LZTS1: variants seen among roughly 807,000 people sequenced by gnomAD.
The protein encoded by LZTS1 is leucine zipper putative tumor suppressor 1.
LZTS1 carries 31 observed loss-of-function variants against 45.8 expected under a neutral mutation model. The observed-to-expected ratio is 0.68, with a 90% CI of 0.51 to 0.91. The LOEUF (loss-of-function observed/expected upper bound fraction) is 0.91. LZTS1 is among the 40% of genes least tolerant of loss of function. The pLI is 0.00. For missense variants in LZTS1, 821 were observed against 788.9 expected, an observed-to-expected ratio of 1.04 and a Z score of -0.49; for synonymous variants, 359 against 357.3, an observed-to-expected ratio of 1.00 and a Z score of -0.05.
At chr8:20,274,579 T>C (rs1201491309) in intron 1 of LZTS1, among the ~76,000 whole-genome samples, 1 of 152,108 alleles carries the variant, frequency 6.6e-6, no homozygotes, top group East Asian at 1.9e-4. Context: ...AGACCCCCCT[T>C]ATGTGGAGAT....
chr8:20,284,117 C>T (rs1170356060), intron 1 of LZTS1, among the ~76,000 whole-genome samples: 1 of 152,176 alleles, frequency 6.6e-6, no homozygotes, highest in Non-Finnish European at 1.5e-5. Flanking sequence ...GTGAGTCATT[C>T]TCTCTGGGGC....
At chr8:20,278,396 G>A (rs376785663) in intron 1 of LZTS1, among the ~76,000 whole-genome samples, 13 of 152,188 alleles carry the variant, frequency 8.5e-5, no homozygotes, top group East Asian at 3.9e-4. Context: ...TGTGCATGTG[G>A]ACAGCCCACC....
chr8:20,260,007 T>C (rs895303018), intron 1 of LZTS1, among the ~76,000 whole-genome samples: 2 of 152,128 alleles, frequency 1.3e-5, no homozygotes, highest in African/African-American at 4.8e-5. Flanking sequence ...GCTCAAGTGA[T>C]CTTCCCACCT....
At chr8:20,302,634 G>T (rs1250999803) in intron 1 of LZTS1, among the ~76,000 whole-genome samples, 1 of 152,148 alleles carries the variant, frequency 6.6e-6, no homozygotes, top group African/African-American at 2.4e-5. Context: ...TAGGAGCAGC[G>T]CCTGCCCGGC....
At chr8:20,269,212 G>T (rs1400302521) in intron 1 of LZTS1, among the ~76,000 whole-genome samples, 1 of 152,188 alleles carries the variant, frequency 6.6e-6, no homozygotes, top group African/African-American at 2.4e-5. Context: ...TCATGGCTTG[G>T]ACCCCAGGGC....
chr8:20,267,496 A>T (rs13259502), intron 1 of LZTS1, among the ~76,000 whole-genome samples: 34,674 of 152,038 alleles, frequency 0.23, 4,808 homozygotes, highest in East Asian at 0.49. Context: ...GTCATCATTC[A>T]TCAGAACAGA....
intron 1 of LZTS1, among the ~76,000 whole-genome samples, chr8:20,289,561 A>G (rs1352480394): frequency 2.0e-5 from 3 of 152,178 alleles, no homozygotes; most frequent in Non-Finnish European, 4.4e-5. Context: ...GGGTCAGGCA[A>G]TGGAGCACAG....
Position 20,288,132 on chromosome 8 carries a change from G to A in LZTS1, c.-135+15608C>T, listed in dbSNP as rs1800825903. 3.3e-5 allele frequency among the ~76,000 whole-genome samples: 5 copies of A among 152,090 alleles called. No individual in the cohort carries two copies. In the South Asian group the frequency reaches 1.0e-3, roughly 32 times the overall value. On this transcript the variant is annotated intron_variant, in intron 1 of 3. Coordinates refer to ENST00000381569, the MANE Select transcript of LZTS1 (RefSeq NM_021020.5). ...CAAGCTCCTTCTCCTTCTCAAAGAG[G>A]AGTGAAGCTTTCCTGGTGTTGTCAG...
chr8:20,300,855 C>T (rs956117726), intron 1 of LZTS1, among the ~76,000 whole-genome samples: 2 of 152,094 alleles, frequency 1.3e-5, no homozygotes, highest in Non-Finnish European at 2.9e-5. Flanking sequence ...TGTGGTGGCT[C>T]CTGCCTGTAA....
rs1428318981 is a variant in LZTS1, at chr8:20,250,168, C to A, written c.1345G>T (p.Val449Phe). The A allele has an allele frequency of 4.3e-6, 7 of 1,610,418 alleles. No homozygotes were observed. The highest frequency in any genetic ancestry group is 2.5e-6 in the Non-Finnish European group (3 of 1,179,602). The change falls in exon 4 of 4, where the codon GTC becomes TTC. Residue 449 changes from valine (V) to phenylalanine (F), a missense_variant. Physicochemically the swap from Val to Phe is conservative, Grantham distance 50. Coordinates refer to ENST00000381569, the MANE Select transcript of LZTS1 (RefSeq NM_021020.5). The stretch of plus-strand genomic sequence containing the variant: ...TTGCGCTGCAGCTCATTCTCACAGA[C>A]CTCCAGCTCCAGGCCCTTGGTGCGC... The part of the protein sequence containing the change: ...ALRTKGLELE[V>F]CENELQRKKN...
intron 1 of LZTS1, among the ~76,000 whole-genome samples, chr8:20,277,945 G>A (rs1800616716): frequency 6.6e-6 from 1 of 152,144 alleles, no homozygotes; most frequent in Non-Finnish European, 1.5e-5. Context: ...TGAGCACCTT[G>A]GAACGTCTTG....
chr8:20,254,417 C>G (rs1022015045), intron 2 of LZTS1, among the ~76,000 whole-genome samples: 1 of 152,342 alleles, frequency 6.6e-6, no homozygotes, highest in Admixed American at 6.5e-5. Flanking sequence ...CACCCACCCC[C>G]ACGAGTCTCC....
intron 1 of LZTS1, among the ~76,000 whole-genome samples, chr8:20,258,232 T>G (rs1422305216): frequency 6.6e-6 from 1 of 152,162 alleles, no homozygotes; most frequent in Non-Finnish European, 1.5e-5. Context: ...AAACAGGAGA[T>G]GTGGAAGGAG....
At position 20,254,921 on chromosome 8, in the gene LZTS1, G is replaced by T; in HGVS notation, c.261C>A (p.Ser87Arg). Residue 87 changes from serine to arginine, a missense_variant, in exon 2 of 4, where the codon AGC (serine) becomes AGA (arginine). Ser to Arg is a moderately radical substitution (Grantham distance 110). Coordinates refer to ENST00000381569, the MANE Select transcript of LZTS1 (RefSeq NM_021020.5). ...SHHPDYTALS[S>R]GDLGGQAGVD... ...CCCCAGCCTGGCCCCCTAAATCCCC[G>T]CTGGACAGTGCCGTGTAATCTGGGT... 6.2e-7 allele frequency: 1 copy of T among 1,614,204 alleles called. No individual in the cohort carries two copies. Among genetic ancestry groups the T allele is most frequent in the Admixed American group, 1.7e-5 (1 of 60,032 alleles).
chr8:20,253,059 G>C lies in LZTS1; in HGVS notation c.872C>G (p.Ser291Cys). Residue 291 changes from serine (S) to cysteine (C), a missense_variant, in exon 3 of 4, where the codon TCC becomes TGC. By Grantham distance (112) the Ser-to-Cys change is moderately radical (BLOSUM62 -1). Coordinates refer to ENST00000381569, the MANE Select transcript of LZTS1 (RefSeq NM_021020.5). ...CGGCCGCTCCTCGTAGGCCAGGCTG[G>C]AGGCAAGCTCCTTCTCCTCAAAGCT... ...QRSFEEKELA[S>C]SLAYEERPRR... 1.2e-6 allele frequency: 2 copies of C among 1,607,218 alleles called. No individual in the cohort carries two copies. Among genetic ancestry groups the C allele is most frequent in the Non-Finnish European group, 1.7e-6 (2 of 1,178,164 alleles).
At chr8:20,277,629 G>A (rs1424828126) in intron 1 of LZTS1, among the ~76,000 whole-genome samples, 1 of 152,190 alleles carries the variant, frequency 6.6e-6, no homozygotes, top group Middle Eastern at 3.2e-3. Context: ...GCCTTTAACT[G>A]TGGATTTTCA....
At chr8:20,301,621 A>G (rs1487423365) in intron 1 of LZTS1, among the ~76,000 whole-genome samples, 1 of 152,184 alleles carries the variant, frequency 6.6e-6, no homozygotes, top group African/African-American at 2.4e-5. Flanking sequence ...CAGGATTAGA[A>G]AGCCATTTAT....
chr8:20,273,293 G>A (rs1800510164), intron 1 of LZTS1, among the ~76,000 whole-genome samples: 2 of 152,116 alleles, frequency 1.3e-5, no homozygotes, highest in African/African-American at 4.8e-5. Flanking sequence ...AAATGTGGAT[G>A]CTTTTCAGGC....
At chr8:20,280,358 G>A (rs1014661485) in intron 1 of LZTS1, among the ~76,000 whole-genome samples, 1 of 152,112 alleles carries the variant, frequency 6.6e-6, no homozygotes, top group African/African-American at 2.4e-5. Flanking sequence ...GATGTGGCTC[G>A]TGTTCCTGCT....
Sources: allele counts gnomAD v4.1 joint callset (sites outside exome capture counted in the v4.1 genomes callset), GRCh38; gene constraint gnomAD v4.1.1; transcripts MANE v1.5; gene names NCBI Gene and HGNC (gene_info 2026-07-23, HGNC 2026-07-21).